The following RBFOX1 variants were observed in gnomAD, a reference collection of about 807,000 sequenced individuals.
RBFOX1 encodes the protein RNA binding protein fox-1 homolog 1.
In RBFOX1, 8 loss-of-function variants were observed where a neutral mutation model predicts 57.7. The observed-to-expected ratio is 0.14, with a 90% CI of 0.08 to 0.25. RBFOX1 has a LOEUF of 0.25. RBFOX1 is among the 10% of genes least tolerant of loss of function. RBFOX1 has a pLI of 1.00. For synonymous variants in RBFOX1, 326 were observed against 222.4 expected, an observed-to-expected ratio of 1.47 and a Z score of -4.15; for missense variants, 611 against 548.5, an observed-to-expected ratio of 1.11 and a Z score of -1.14.
At chr16:5,405,145 G>A (rs1435529003) in intron 1 of RBFOX1, among the ~76,000 whole-genome samples, 1 of 152,176 alleles carries the variant, frequency 6.6e-6, no homozygotes, top group African/African-American at 2.4e-5. Context: ...TTGGCTCATA[G>A]GGCTCCTCAC....
chr16:7,000,659 C>T (rs1176464893), intron 3 of RBFOX1, among the ~76,000 whole-genome samples: 4 of 123,914 alleles, frequency 3.2e-5, no homozygotes, highest in Non-Finnish European at 6.2e-5. Flanking sequence ...GGCTGGAGTG[C>T]AGTGGCATGA....
rs559992509 is a variant in RBFOX1 at position 5,353,201 on chromosome 16, C to T, written c.219+113096C>T. On this transcript the variant is annotated intron_variant, in intron 1 of 2. Transcript: ENST00000585867. ...TCAGCCTGGCCAACATGGTGAAATC[C>T]CATCTCTACTAAAAATAAATACAAA... 1.1e-4 allele frequency among the ~76,000 whole-genome samples: 16 copies of T among 151,982 alleles called. 1 individual carries two copies. The highest frequency in any genetic ancestry group is 1.9e-4 in the Non-Finnish European group (13 of 67,970).
At chr16:5,721,750 G>T (rs1003798460) in intron 3 of RBFOX1, among the ~76,000 whole-genome samples, 1 of 152,042 alleles carries the variant, frequency 6.6e-6, no homozygotes, top group Admixed American at 6.6e-5. Flanking sequence ...TTTATTATCT[G>T]CTCATTCTGA....
intron 11 of RBFOX1, 88 bp from the exon 12 acceptor site, chr16:7,653,727 G>A (rs1472112337): frequency 1.9e-6 from 3 of 1,575,686 alleles, no homozygotes; most frequent in South Asian, 1.1e-5. Context: ...CCTGTGCAGG[G>A]ACAAGGGTTC....
At position 6,563,209 on chromosome 16, in the gene RBFOX1, T is replaced by C. The variant is rs1045759304; in HGVS notation, c.-63-91394T>C. On this transcript the variant is annotated intron_variant, in intron 2 of 15. Transcript: ENST00000550418. ...CTGAATTAGTTCTAGTCCATGGCAC[T>C]GCGTGACTTCCAAGACAATTTTAGC... 3.3e-5 allele frequency among the ~76,000 whole-genome samples: 5 copies of C among 152,318 alleles called. No individual in the cohort carries two copies. The East Asian group carries it at 9.7e-4, about 29-fold the overall frequency.
At chr16:5,746,312 A>G (rs2052978810) in intron 3 of RBFOX1, among the ~76,000 whole-genome samples, 1 of 152,124 alleles carries the variant, frequency 6.6e-6, no homozygotes, top group Non-Finnish European at 1.5e-5. Flanking sequence ...CTGTTTTTGT[A>G]CCAGTACCAT....
At chr16:7,108,090 A>G (rs559036785) in intron 4 of RBFOX1, among the ~76,000 whole-genome samples, 1 of 152,186 alleles carries the variant, frequency 6.6e-6, no homozygotes, top group African/African-American at 2.4e-5. Context: ...CTGATCCCAG[A>G]AATTAGATGT....
rs141299953 is a variant in RBFOX1 at position 7,145,835 on chromosome 16, G to C, written c.27+93737G>C. Among the ~76,000 whole-genome samples, 102 of 152,100 alleles carry C rather than the reference G, an allele frequency of 6.7e-4. No homozygotes were observed. The South Asian group carries it at 9.6e-3, about 14-fold the overall frequency. On this transcript the variant is annotated intron_variant, in intron 4 of 15. Transcript: ENST00000550418. Reference sequence around the variant, plus strand: ...CCCGCACACACACTACTTCTCCATGGCTCCTCCATATGGCCAGTCCTCTTC... The same window carrying C: ...CCCGCACACACACTACTTCTCCATGCCTCCTCCATATGGCCAGTCCTCTTC...
intron 3 of RBFOX1, among the ~76,000 whole-genome samples, chr16:5,750,759 C>G (rs879680809): frequency 2.6e-5 from 4 of 152,200 alleles, no homozygotes; most frequent in Non-Finnish European, 4.4e-5. Flanking sequence ...CAGGTGCCGT[C>G]TGCCACAGCT....
chr16:5,484,289 T>C (rs2069649346), intron 2 of RBFOX1, among the ~76,000 whole-genome samples: 1 of 152,238 alleles, frequency 6.6e-6, no homozygotes, highest in East Asian at 1.9e-4. Flanking sequence ...CTTCAGTTCT[T>C]TCTGGCTGTC....
At chr16:7,206,510 A>G (rs1372362256) in intron 4 of RBFOX1, among the ~76,000 whole-genome samples, 1 of 151,872 alleles carries the variant, frequency 6.6e-6, no homozygotes, top group Non-Finnish European at 1.5e-5. Context: ...CATATATTTT[A>G]GAAAGACACT....
intron 4 of RBFOX1, among the ~76,000 whole-genome samples, chr16:7,497,485 G>A (rs897527775): frequency 2.6e-5 from 4 of 152,056 alleles, no homozygotes; most frequent in African/African-American, 9.7e-5. Flanking sequence ...CATGACACTT[G>A]CTTTGATCAT....
At chr16:6,162,328 C>G (rs2096885743) in intron 1 of RBFOX1, among the ~76,000 whole-genome samples, 1 of 152,060 alleles carries the variant, frequency 6.6e-6, no homozygotes, top group East Asian at 1.9e-4. Context: ...GTTGGCAGGC[C>G]AGTCTCAAAC....
chr16:6,261,461 T>A (rs1417180755), intron 1 of RBFOX1, among the ~76,000 whole-genome samples: 1 of 152,174 alleles, frequency 6.6e-6, no homozygotes, highest in African/African-American at 2.4e-5. Flanking sequence ...ATTGTTTTAG[T>A]GGCTCAGACA....
chr16:5,581,881 T>A (rs2046679537), intron 2 of RBFOX1, among the ~76,000 whole-genome samples: 1 of 151,986 alleles, frequency 6.6e-6, no homozygotes, highest in African/African-American at 2.4e-5. Context: ...AGGTAGGAAG[T>A]GATGCAAGAT....
At chr16:6,993,967 G>C (rs1174038854) in intron 3 of RBFOX1, among the ~76,000 whole-genome samples, 3 of 152,168 alleles carry the variant, frequency 2.0e-5, no homozygotes, top group African/African-American at 4.8e-5. Flanking sequence ...AGATTATGCA[G>C]GGAAGAGGGG....
intron 2 of RBFOX1, among the ~76,000 whole-genome samples, chr16:5,498,325 G>C (rs529688286): frequency 2.8e-4 from 43 of 152,170 alleles, no homozygotes; most frequent in Middle Eastern, 3.4e-3. Flanking sequence ...TGTATTTTTA[G>C]TAGAGACAGG....
At chr16:7,105,096 C>T (rs1487467665) in intron 4 of RBFOX1, among the ~76,000 whole-genome samples, 1 of 152,114 alleles carries the variant, frequency 6.6e-6, no homozygotes, top group Non-Finnish European at 1.5e-5. Flanking sequence ...GAGAGCACCT[C>T]TGCCACTAAA....
At chr16:7,527,488 C>T (rs894360479) in intron 5 of RBFOX1, among the ~76,000 whole-genome samples, 1 of 151,912 alleles carries the variant, frequency 6.6e-6, no homozygotes, top group African/African-American at 2.4e-5. Context: ...GTTTCAGCCT[C>T]GGATTTTGGC....
Sources: allele counts gnomAD v4.1 joint callset (sites outside exome capture counted in the v4.1 genomes callset), GRCh38; gene constraint gnomAD v4.1.1; transcripts MANE v1.5; gene names NCBI Gene and HGNC (gene_info 2026-07-23, HGNC 2026-07-21).